Variants in NAMPT observed in about 807,000 individuals in gnomAD.
NAMPT encodes NAmPRTase.
A neutral mutation model predicts 58.7 loss-of-function variants in NAMPT; 7 were observed. That is an observed-to-expected ratio of 0.12 (90% CI 0.07 to 0.22). The LOEUF (loss-of-function observed/expected upper bound fraction) is 0.22, where lower values mean the gene tolerates loss of function less well. NAMPT is among the 10% of genes least tolerant of loss of function. The pLI is 1.00. For missense variants in NAMPT, 271 were observed against 567.9 expected, an observed-to-expected ratio of 0.48 and a Z score of 5.31; for synonymous variants, 145 against 198.1, an observed-to-expected ratio of 0.73 and a Z score of 2.25.
rs73420399 is a variant in NAMPT, at chr7:106,254,267, C to T, written c.1230+97G>A. The T allele has an allele frequency of 2.0e-3, 2,760 of 1,367,126 alleles. 49 individuals carry two copies. In the African/African-American group the frequency reaches 0.034, roughly 17 times the overall value. The allele number at this position is 1,367,126 out of a possible 1,614,324, so 84.7% of individuals were successfully genotyped here. A position where few individuals can be genotyped will look rare whatever the true frequency, so the allele number is the denominator to read the frequency against. On this transcript the variant is annotated intron_variant, in intron 9 of 10. Coordinates refer to ENST00000222553, the MANE Select transcript of NAMPT (RefSeq NM_005746.3). ...TACCCAACAACATATTAACAGTCCA[C>T]GGCCACATCAATCTTTGACAAATGC...
chr7:106,284,731 A>G (rs991379843), intron 1 of NAMPT, 97 bp downstream of exon 1: 17 of 61,174 alleles, frequency 2.8e-4, no homozygotes, highest in African/African-American at 2.8e-3. Flanking sequence ...CCCCAGCCCC[A>G]GCCCCAACCC....
In NAMPT at chr7:106,249,022, CTG is replaced by C. The variant is rs1792064504; in HGVS notation, c.*2059_*2060del. On this transcript the variant is annotated 3_prime_UTR_variant, in exon 11 of 11. Transcript: ENST00000222553. ...ATTCACAGAACACAGAGAATACTGT[CTG>C]TACTATAATTTCAATGTTTAAACAC... The C allele has an allele frequency of 6.6e-6, 1 of 151,988 alleles. No individual in the cohort carries two copies. The allele number at this position is 151,988 out of a possible 1,614,324, so 9.4% of individuals were successfully genotyped here. A position where few individuals can be genotyped will look rare whatever the true frequency, so the allele number is the denominator to read the frequency against.
intron 9 of NAMPT, 70 bp from the exon 10 acceptor site, chr7:106,253,221 C>A: frequency 1.3e-6 from 2 of 1,500,944 alleles, no homozygotes; most frequent in Non-Finnish European, 9.1e-7. Context: ...CACTCCCTTA[C>A]AAAAAAGCAC....
chr7:106,268,651 A>C (rs75968343), intron 5 of NAMPT, 51 bp from the exon 6 acceptor site: 342 of 1,368,356 alleles, frequency 2.5e-4, no homozygotes, highest in Non-Finnish European at 3.2e-4. Flanking sequence ...AACCCACATT[A>C]ATAATACCAG....
At chr7:106,275,670 G>A (rs1387808450) in intron 2 of NAMPT, 1 of 152,206 alleles carries the variant, frequency 6.6e-6, no homozygotes, top group African/African-American at 2.4e-5. Context: ...AAGTTCTTAA[G>A]TTGTATGACT....
At chr7:106,263,207 G>A in intron 7 of NAMPT, 185 bp downstream of exon 7, 1 of 558,338 alleles carries the variant, frequency 1.8e-6, no homozygotes, top group Non-Finnish European at 3.2e-6. Context: ...CATAAGTCTT[G>A]GTATCCTTCT....
chr7:106,257,446 C>T (rs1792222099), intron 8 of NAMPT, among the ~76,000 whole-genome samples: 1 of 142,512 alleles, frequency 7.0e-6, no homozygotes, highest in East Asian at 2.2e-4. Context: ...CAGTGAGACC[C>T]CCATCTCTAC....
At chr7:106,268,696 G>A (rs529787565) in intron 5 of NAMPT, 96 bp from the exon 6 acceptor site, 12 of 815,938 alleles carry the variant, frequency 1.5e-5, no homozygotes, top group Non-Finnish European at 2.3e-5. Flanking sequence ...ATATAGCATA[G>A]CTCCCATAAG....
chr7:106,251,684 A>C (rs1271820262), intron 10 of NAMPT, among the ~76,000 whole-genome samples: 3 of 152,128 alleles, frequency 2.0e-5, no homozygotes, highest in East Asian at 3.8e-4. Context: ...CAAAAAGCCA[A>C]AAGCCAATCC....
chr7:106,276,402 T>C (rs979690883), intron 2 of NAMPT: 3 of 152,222 alleles, frequency 2.0e-5, no homozygotes, highest in Non-Finnish European at 4.4e-5. Flanking sequence ...AAGGTAAAAC[T>C]GGCTAATATA....
At chr7:106,284,752 C>T in intron 1 of NAMPT, 76 bp downstream of exon 1, 1 of 1,252,920 alleles carries the variant, frequency 8.0e-7, no homozygotes, top group Non-Finnish European at 1.0e-6. Flanking sequence ...CAGCCCCAGC[C>T]GCCCCCGCCC....
intron 4 of NAMPT, among the ~76,000 whole-genome samples, chr7:106,270,638 T>C (rs1033635850): frequency 9.9e-5 from 15 of 151,812 alleles, no homozygotes; most frequent in Non-Finnish European, 1.0e-4. Flanking sequence ...TTTCAAGAGG[T>C]TTTGCAGCTT....
chr7:106,249,694 G>T lies in NAMPT; in HGVS notation c.*1389C>A, dbSNP rs1792075627. On this transcript the variant is annotated 3_prime_UTR_variant, in exon 11 of 11. Coordinates refer to ENST00000222553, the MANE Select transcript of NAMPT (RefSeq NM_005746.3). ...CTATTGCAGCTGTTTACCTTAGGCTGGAGTAGTGGGAAAGCAGCCATAGAC... is the reference window on the plus strand; with the variant it reads ...CTATTGCAGCTGTTTACCTTAGGCTTGAGTAGTGGGAAAGCAGCCATAGAC... 6.6e-6 allele frequency: 1 copy of T among 152,008 alleles called. No individual in the cohort carries two copies. Among genetic ancestry groups the T allele is most frequent in the South Asian group, 2.1e-4 (1 of 4,832 alleles). The allele number at this position is 152,008 out of a possible 1,614,324, so 9.4% of individuals were successfully genotyped here.
intron 8 of NAMPT, 156 bp downstream of exon 8, chr7:106,261,432 C>G (rs914412238): frequency 1.7e-6 from 1 of 588,578 alleles, no homozygotes; most frequent in Non-Finnish European, 2.8e-6. Context: ...TTTTAAACTA[C>G]TATTATTTCT....
intron 6 of NAMPT, among the ~76,000 whole-genome samples, chr7:106,266,658 A>AG (rs1489132738): frequency 6.6e-6 from 1 of 152,138 alleles, no homozygotes; most frequent in Non-Finnish European, 1.5e-5. Flanking sequence ...ATTTCTTTCC[A>AG]TTTATTTAGC....
At chr7:106,270,147 G>T (rs114767356) in intron 4 of NAMPT, 2,461 of 210,748 alleles carry the variant, frequency 0.012, 61 homozygotes, top group African/African-American at 0.054. Flanking sequence ...TTTTTTCTTG[G>T]TTGTCAGGAA....
intron 5 of NAMPT, 102 bp from the exon 6 acceptor site, chr7:106,268,702 A>AT: frequency 1.3e-6 from 1 of 789,900 alleles, no homozygotes; most frequent in Non-Finnish European, 2.1e-6. Context: ...CATAGCTCCC[A>AT]TAAGAATTGT....
intron 8 of NAMPT, among the ~76,000 whole-genome samples, chr7:106,259,448 G>A (rs986221823): frequency 2.6e-5 from 4 of 151,914 alleles, no homozygotes; most frequent in Non-Finnish European, 5.9e-5. Flanking sequence ...TTTTTTTTGA[G>A]ACGGAGTTTC....
At chr7:106,255,957 G>C (rs1186065607) in intron 8 of NAMPT, among the ~76,000 whole-genome samples, 1 of 152,100 alleles carries the variant, frequency 6.6e-6, no homozygotes, top group East Asian at 1.9e-4. Flanking sequence ...AAATAACAAA[G>C]AACAGTATCA....
Sources: allele counts gnomAD v4.1 joint callset (sites outside exome capture counted in the v4.1 genomes callset), GRCh38; gene constraint gnomAD v4.1.1; transcripts MANE v1.5; gene names NCBI Gene and HGNC (gene_info 2026-07-23, HGNC 2026-07-21).